Variants in MYBL1 observed in about 807,000 individuals in gnomAD.
The protein encoded by MYBL1 is myb-related protein A.
Under a neutral mutation model 96.3 loss-of-function variants are expected in MYBL1, and 17 were observed. The ratio of observed to expected loss-of-function variants is 0.18; its 90% CI spans 0.12 to 0.26. The LOEUF (loss-of-function observed/expected upper bound fraction) is 0.26. Ranked by LOEUF, MYBL1 falls within the 10% of genes least tolerant of loss-of-function variation. MYBL1 has a pLI of 1.00. For missense variants in MYBL1, 701 were observed against 882.9 expected (o/e 0.79, Z 2.61); for synonymous variants, 282 against 292.7 (o/e 0.96, Z 0.37).
chr8:66,566,223 T>C lies in MYBL1; in HGVS notation c.1971A>G (p.Thr657=). The C allele has an allele frequency of 6.7e-7, 1 of 1,485,652 alleles. No individual in the cohort carries two copies. The highest frequency in any genetic ancestry group is 1.3e-5 in the South Asian group (1 of 78,192). The allele number at this position is 1,485,652 out of a possible 1,614,324, so 92.0% of individuals were successfully genotyped here. ...CCAATAATGGTATCATTAATAAGGA[T>C]GTAGTAAATCTATTTTCTGACTAAG... is the stretch of plus-strand genomic sequence containing the variant. ...SDMQSENRFT[T]SLLMIPLLEI... Residue 657 remains threonine (T), a synonymous_variant, in exon 15 of 16, where the codon ACA becomes ACG. Transcript: ENST00000522677.
intron 3 of MYBL1, among the ~76,000 whole-genome samples, chr8:66,601,336 T>C (rs1810065532): frequency 6.6e-6 from 1 of 152,130 alleles, no homozygotes; most frequent in African/African-American, 2.4e-5. Context: ...GATGATAAGC[T>C]TTTTTTAATA....
intron 8 of MYBL1, among the ~76,000 whole-genome samples, chr8:66,590,230 C>A (rs1201862359): frequency 1.3e-5 from 2 of 152,134 alleles, no homozygotes; most frequent in Non-Finnish European, 2.9e-5. Context: ...CTCAGGTTAT[C>A]TTCTTAGTAA....
At position 66,576,208 on chromosome 8, in the gene MYBL1, A is replaced by G. The variant is rs1422951370; in HGVS notation, c.1269T>C (p.Asn423=). ...AAGGAACAGCTTCACTGTTGCCACC[A>G]TTACAAGTGTTTTTTTTCCCTTCAA... ...LVLEGKKNTC[N]GGNSEAVPLT... is the part of the protein sequence containing the mutation. Residue 423 remains asparagine (N), a synonymous_variant, in exon 10 of 16, where the codon AAT becomes AAC. Transcript: ENST00000522677. 5.6e-6 allele frequency: 9 copies of G among 1,613,862 alleles called. No individual in the cohort carries two copies. Among genetic ancestry groups the G allele is most frequent in the Non-Finnish European group, 7.6e-6 (9 of 1,179,878 alleles).
chr8:66,607,450 T>TA (rs1810364706), intron 1 of MYBL1, among the ~76,000 whole-genome samples: 1 of 152,168 alleles, frequency 6.6e-6, no homozygotes, highest in South Asian at 2.1e-4. Flanking sequence ...CTCTCAGGAC[T>TA]AACTAAGCAC....
chr8:66,597,219 T>A, intron 5 of MYBL1, 111 bp downstream of exon 5: 2 of 782,244 alleles, frequency 2.6e-6, no homozygotes, highest in South Asian at 5.3e-5. Flanking sequence ...GTCTACATTT[T>A]AATTACAAAT....
chr8:66,607,468 G>A (rs917031394), intron 1 of MYBL1, among the ~76,000 whole-genome samples: 11 of 152,056 alleles, frequency 7.2e-5, no homozygotes, highest in Non-Finnish European at 1.5e-4. Context: ...CACAGTACCT[G>A]CCACTCAAAT....
chr8:66,611,542 A>T (rs1023546931), intron 1 of MYBL1, among the ~76,000 whole-genome samples: 11 of 152,218 alleles, frequency 7.2e-5, no homozygotes, highest in African/African-American at 2.2e-4. Context: ...TACTGGGTAG[A>T]AGCCAGCGAT....
At chr8:66,597,017 A>C (rs1809879206) in intron 5 of MYBL1, among the ~76,000 whole-genome samples, 2 of 152,182 alleles carry the variant, frequency 1.3e-5, no homozygotes, top group Admixed American at 1.3e-4. Flanking sequence ...CAGAGTTTAT[A>C]CAAAGGGGGT....
intron 1 of MYBL1, among the ~76,000 whole-genome samples, chr8:66,607,357 T>C (rs1018281796): frequency 7.2e-5 from 11 of 152,182 alleles, no homozygotes; most frequent in African/African-American, 2.7e-4. Context: ...CCTACCTTTC[T>C]TCTTTTTAAT....
chr8:66,596,727 C>T lies in MYBL1; in HGVS notation c.512+603G>A, dbSNP rs547482897. ...GCGTATCTTCTAAGTTATGAATTTT[C>T]ACAAGGTTGTTGGTCTGCTGTACTA... On this transcript the variant is annotated intron_variant, in intron 5 of 15. Coordinates refer to ENST00000522677, the MANE Select transcript of MYBL1 (RefSeq NM_001080416.4). 6.6e-5 allele frequency among the ~76,000 whole-genome samples: 10 copies of T among 152,228 alleles called. No individual in the cohort carries two copies. In the South Asian group the frequency reaches 2.1e-3, roughly 32 times the overall value.
intron 8 of MYBL1, among the ~76,000 whole-genome samples, chr8:66,582,883 C>G (rs1288645812): frequency 6.6e-6 from 1 of 152,010 alleles, no homozygotes; most frequent in African/African-American, 2.4e-5. Context: ...GTAATAGATT[C>G]CAATAAAAAA....
intron 12 of MYBL1, among the ~76,000 whole-genome samples, chr8:66,568,640 ATAAAG>A (rs1482070854): frequency 1.3e-5 from 2 of 152,154 alleles, no homozygotes; most frequent in East Asian, 1.9e-4. Context: ...CACCAAGAAC[ATAAAG>A]TATTCTTTTT....
In MYBL1 at chr8:66,602,502, A is replaced by C; in HGVS notation, c.42T>G (p.Leu14=). 6.2e-7 allele frequency: 1 copy of C among 1,607,294 alleles called. No homozygotes were observed. Among genetic ancestry groups the C allele is most frequent in the Non-Finnish European group, 8.5e-7 (1 of 1,176,164 alleles). Residue 14 remains leucine (L), a synonymous_variant, in exon 2 of 16, where the codon CTT becomes CTG. Coordinates refer to ENST00000522677, the MANE Select transcript of MYBL1 (RefSeq NM_001080416.4). ...CTTCATAATCATGATCGGCATACTG[A>C]AGGTCATCATCCTCATCCTCACTAC... The part of the protein sequence containing the change: ...RSRSEDEDDD[L]QYADHDYEVP...
At chr8:66,572,165 C>CA (rs1474224057) in intron 12 of MYBL1, among the ~76,000 whole-genome samples, 2 of 151,478 alleles carry the variant, frequency 1.3e-5, no homozygotes, top group Admixed American at 1.3e-4. Flanking sequence ...ACTAAAAATA[C>CA]AAAAATTAGC....
At position 66,612,967 on chromosome 8, in the gene MYBL1, G is replaced by A; in HGVS notation, c.-129C>T. On this transcript the variant is annotated 5_prime_UTR_variant, in exon 1 of 16. Coordinates refer to ENST00000522677, the MANE Select transcript of MYBL1 (RefSeq NM_001080416.4). ...CTCCCTCTGGAGGCGGCCGAGTGCG[G>A]AACGCACGTCCTCGACAGGGCAGGA... is the stretch of plus-strand genomic sequence containing the variant. The A allele has an allele frequency of 9.3e-7, 1 of 1,076,592 alleles. No individual in the cohort carries two copies. The highest frequency in any genetic ancestry group is 3.4e-5 in the Admixed American group (1 of 29,542). 66.7% of individuals were successfully genotyped at this position (1,076,592 alleles called of 1,614,324 possible). A position where few individuals can be genotyped will look rare whatever the true frequency, so the allele number is the denominator to read the frequency against.
At chr8:66,591,556 T>A (rs1034997852) in intron 8 of MYBL1, among the ~76,000 whole-genome samples, 11 of 152,218 alleles carry the variant, frequency 7.2e-5, no homozygotes, top group Admixed American at 6.5e-4. Context: ...AACATCTATA[T>A]AAAATTTCTT....
At chr8:66,603,616 G>C (rs541567551) in intron 1 of MYBL1, among the ~76,000 whole-genome samples, 1 of 151,758 alleles carries the variant, frequency 6.6e-6, no homozygotes, top group Admixed American at 6.6e-5. Context: ...TCAGTCTCCC[G>C]AGTAGCTGGG....
chr8:66,579,256 T>TTC (rs1554577416), intron 9 of MYBL1, among the ~76,000 whole-genome samples: 47 of 151,654 alleles, frequency 3.1e-4, no homozygotes, highest in African/African-American at 9.2e-4. Flanking sequence ...AAAAAAAAAT[T>TTC]TTTTTTAAAA....
In MYBL1 at chr8:66,576,315, TAGG is replaced by T. The variant is rs1456152099; in HGVS notation, c.1159_1161del (p.Pro387del). On this transcript the variant is annotated inframe_deletion, in exon 10 of 16. Transcript: ENST00000522677. ...ATTAATTTAACTGGGGTGGATTTGA[TAGG>T]AGAAGCAGCAGCATCAGAAATATCA... 1 of 1,613,940 alleles carries T rather than the reference TAGG, an allele frequency of 6.2e-7. No homozygotes were observed. Among genetic ancestry groups the T allele is most frequent in the Non-Finnish European group, 8.5e-7 (1 of 1,179,870 alleles).
Sources: allele counts gnomAD v4.1 joint callset (sites outside exome capture counted in the v4.1 genomes callset), GRCh38; gene constraint gnomAD v4.1.1; transcripts MANE v1.5; gene names NCBI Gene and HGNC (gene_info 2026-07-23, HGNC 2026-07-21).